Variants in CSMD3 observed in about 807,000 individuals in gnomAD.
CSMD3 encodes the protein CUB and Sushi multiple domains 3.
In CSMD3, 177 loss-of-function variants were observed where a neutral mutation model predicts 435.2. That is an observed-to-expected ratio of 0.41 (90% CI 0.36 to 0.46). The LOEUF is 0.46. Among genes scored for constraint, CSMD3 ranks in the 20% least tolerant of loss-of-function variants. The probability of loss-of-function intolerance (pLI) is 0.34; values close to 1 mark genes in which losing one functional copy is unlikely to be tolerated. For missense variants in CSMD3, 4,265 were observed against 4,504.6 expected (o/e 0.95, Z 1.52); for synonymous variants, 1,656 against 1,520.5 (o/e 1.09, Z -2.07).
chr8:113,073,876 A>T (rs1233014059), intron 5 of CSMD3, among the ~76,000 whole-genome samples: 1 of 151,774 alleles, frequency 6.6e-6, no homozygotes, highest in Non-Finnish European at 1.5e-5. Flanking sequence ...CTTTGCTCTA[A>T]AATTTAGCTG....
At chr8:112,663,515 TTAGGAGA>T (rs2075440358) in intron 17 of CSMD3, among the ~76,000 whole-genome samples, 1 of 148,184 alleles carries the variant, frequency 6.7e-6, no homozygotes, top group South Asian at 2.2e-4. Context: ...AGGGATAGCA[TTAGGAGA>T]TATACTTAAT....
chr8:112,738,126 G>GAA (rs1464804504), intron 13 of CSMD3, among the ~76,000 whole-genome samples: 1 of 151,732 alleles, frequency 6.6e-6, no homozygotes, highest in Non-Finnish European at 1.5e-5. Context: ...TAAGCAGAGA[G>GAA]GTGGGGGGAA....
chr8:113,221,232 T>G (rs1588303659), intron 3 of CSMD3, among the ~76,000 whole-genome samples: 1 of 151,270 alleles, frequency 6.6e-6, no homozygotes, highest in African/African-American at 2.4e-5. Flanking sequence ...AATTGAAAAC[T>G]GTACTCTGAT....
intron 7 of CSMD3, among the ~76,000 whole-genome samples, chr8:112,970,249 G>A (rs1276243715): frequency 1.3e-5 from 2 of 151,598 alleles, no homozygotes; most frequent in East Asian, 1.9e-4. Context: ...CTGTAATATT[G>A]AGCTTTAGGG....
intron 1 of CSMD3, among the ~76,000 whole-genome samples, chr8:113,345,407 AT>A (rs2094145289): frequency 6.6e-6 from 1 of 152,164 alleles, no homozygotes; most frequent in Non-Finnish European, 1.5e-5. Context: ...ATAAATCTAT[AT>A]AAAATTCAAT....
chr8:113,293,776 G>C (rs2093701563), intron 2 of CSMD3, among the ~76,000 whole-genome samples: 1 of 151,966 alleles, frequency 6.6e-6, no homozygotes, highest in Non-Finnish European at 1.5e-5. Flanking sequence ...AGAAATTAAA[G>C]AAGGTGGCTA....
At chr8:112,656,669 T>C (rs1367974078) in intron 17 of CSMD3, among the ~76,000 whole-genome samples, 1 of 152,178 alleles carries the variant, frequency 6.6e-6, no homozygotes, top group Non-Finnish European at 1.5e-5. Context: ...TCCTTATTTT[T>C]ATGGAAAAAT....
At chr8:112,766,444 T>C (rs1400316645) in intron 13 of CSMD3, among the ~76,000 whole-genome samples, 3 of 151,694 alleles carry the variant, frequency 2.0e-5, no homozygotes, top group African/African-American at 4.8e-5. Context: ...TCTAAGCACT[T>C]GAATTTGTTA....
chr8:112,526,901 T>C (rs1282413495), intron 27 of CSMD3, among the ~76,000 whole-genome samples: 1 of 151,930 alleles, frequency 6.6e-6, no homozygotes, highest in African/African-American at 2.4e-5. Flanking sequence ...TAATGATAGG[T>C]TTGTCTATTT....
At chr8:112,716,163 T>C (rs1052511272) in intron 13 of CSMD3, among the ~76,000 whole-genome samples, 1 of 152,210 alleles carries the variant, frequency 6.6e-6, no homozygotes, top group East Asian at 1.9e-4. Context: ...CATGATTTTA[T>C]ATTTACAAAA....
chr8:112,810,479 T>C (rs964083685), intron 12 of CSMD3, among the ~76,000 whole-genome samples: 15 of 152,102 alleles, frequency 9.9e-5, no homozygotes, highest in Non-Finnish European at 2.9e-5. Flanking sequence ...AATATCAATA[T>C]AGAAACAAAA....
Position 112,573,503 on chromosome 8 carries a change from G to T in CSMD3, c.4040C>A (p.Thr1347Asn), listed in dbSNP as rs1255410726. 5.0e-6 allele frequency: 8 copies of T among 1,612,376 alleles called. No individual in the cohort carries two copies. In the African/African-American group the frequency reaches 9.4e-5, roughly 19 times the overall value. ...TTTTACTCTTCTAAAATACTTACTG[G>T]TATACACAAGTTGAAAGCCTTCATC... is the stretch of plus-strand genomic sequence containing the variant. ...GTDEGFQLVYTSFELSHCEDP... is the reference protein window; with the variant it reads ...GTDEGFQLVYNSFELSHCEDP... The change falls in exon 24 of 71, where the codon ACC (threonine) becomes AAC (asparagine). Residue 1347 changes from threonine (T) to asparagine (N), a missense_variant and splice_region_variant. Physicochemically the swap from Thr to Asn is moderately conservative, Grantham distance 65. Around this residue, in one of 3 missense-constraint regions of CSMD3, gnomAD observed 3,255 missense variants for 3,380.2 expected, o/e 0.96. Transcript: ENST00000297405.
At chr8:112,626,505 T>C (rs959566598) in intron 22 of CSMD3, among the ~76,000 whole-genome samples, 1 of 152,086 alleles carries the variant, frequency 6.6e-6, no homozygotes, top group Non-Finnish European at 1.5e-5. Context: ...ATAATCTATA[T>C]ACACACATAT....
intron 6 of CSMD3, among the ~76,000 whole-genome samples, chr8:113,012,590 T>C (rs983978328): frequency 2.0e-5 from 3 of 151,998 alleles, no homozygotes; most frequent in African/African-American, 7.2e-5. Context: ...ATGGTAATTT[T>C]TTCGGCACTC....
At chr8:113,360,553 T>C (rs1370602598) in intron 1 of CSMD3, among the ~76,000 whole-genome samples, 1 of 150,476 alleles carries the variant, frequency 6.6e-6, no homozygotes, top group African/African-American at 2.4e-5. Flanking sequence ...ATCTAAGCAC[T>C]GACAAGTGAC....
chr8:112,747,312 T>A (rs1022063338), intron 13 of CSMD3, among the ~76,000 whole-genome samples: 2 of 150,274 alleles, frequency 1.3e-5, no homozygotes, highest in East Asian at 2.0e-4. Flanking sequence ...CTAAGTTAAA[T>A]GTGGTTGGAG....
In CSMD3 at chr8:112,301,846, A is replaced by T. The variant is rs1174858948; in HGVS notation, c.8387T>A (p.Val2796Glu). 1 of 1,613,962 alleles carries T rather than the reference A, an allele frequency of 6.2e-7. No homozygotes were observed. ...DLGFMLVGSA[V>E]RECLSSGLWS... ...AAGACCTGAGGAAAGGCATTCCCTT[A>T]CAGCAGAGCCCACAAGCATGAATCC... Residue 2796 changes from valine to glutamate, a missense_variant, in exon 53 of 71, where the codon GTA becomes GAA. This residue lies in a region of CSMD3 where 3,255 missense variants were observed against 3,380.2 expected (regional missense o/e 0.96). Coordinates refer to ENST00000297405, the MANE Select transcript of CSMD3 (RefSeq NM_198123.2).
intron 23 of CSMD3, among the ~76,000 whole-genome samples, chr8:112,581,808 T>C (rs1026398165): frequency 4.6e-5 from 7 of 152,072 alleles, no homozygotes; most frequent in African/African-American, 1.7e-4. Flanking sequence ...TGAAGAAGAA[T>C]AAATCAGATT....
At chr8:112,491,896 G>C (rs560062172) in intron 31 of CSMD3, among the ~76,000 whole-genome samples, 5 of 152,110 alleles carry the variant, frequency 3.3e-5, no homozygotes, top group African/African-American at 1.2e-4. Flanking sequence ...ATGGATTAGG[G>C]AGTCTCTAGT....
Sources: allele counts gnomAD v4.1 joint callset (sites outside exome capture counted in the v4.1 genomes callset), GRCh38; gene constraint gnomAD v4.1.1; regional missense constraint gnomAD v4.1.1; transcripts MANE v1.5; gene names NCBI Gene and HGNC (gene_info 2026-07-23, HGNC 2026-07-21).